CD99L2: variants seen among roughly 807,000 people sequenced by gnomAD.
The protein encoded by CD99L2 is CD99 molecule like 2.
A neutral mutation model predicts 27.3 loss-of-function variants in CD99L2; 24 were observed. The ratio of observed to expected loss-of-function variants is 0.88; its 90% CI spans 0.64 to 1.24. The LOEUF is 1.24. Ranked by LOEUF, CD99L2 falls within the 50% of genes most tolerant of loss-of-function variation. CD99L2 has a pLI of 0.00. For missense variants in CD99L2, 255 were observed against 221.6 expected (o/e 1.15, Z -0.96); for synonymous variants, 97 against 87.9 (o/e 1.10, Z -0.58).
intron 3 of CD99L2, 124 bp downstream of exon 3, chrX:150,815,883 A>AT (rs1441170866): frequency 3.0e-6 from 2 of 666,752 alleles, no homozygotes; most frequent in Non-Finnish European, 5.0e-6. Context: ...CAGTGTTCAC[A>AT]TGGATGCCTT....
At chrX:150,834,320 C>T (rs782622941) in intron 1 of CD99L2, among the ~76,000 whole-genome samples, 1 of 111,293 alleles carries the variant, frequency 9.0e-6, no homozygotes, top group African/African-American at 3.3e-5. Flanking sequence ...GGTGAAACCC[C>T]GTCTCTACTA....
At chrX:150,872,517 G>T (rs1343265900) in intron 1 of CD99L2, among the ~76,000 whole-genome samples, 1 of 100,914 alleles carries the variant, frequency 9.9e-6, no homozygotes, top group Non-Finnish European at 2.0e-5. Flanking sequence ...AAGTTTTCCT[G>T]TGTGTAAATT....
intron 4 of CD99L2, among the ~76,000 whole-genome samples, chrX:150,807,644 T>C (rs2046014558): frequency 8.9e-6 from 1 of 112,453 alleles, no homozygotes; most frequent in African/African-American, 3.2e-5. Flanking sequence ...TTGCTCAATA[T>C]AAAAAATACC....
chrX:150,770,379 G>T lies in CD99L2; in HGVS notation c.656-10C>A, dbSNP rs193047862. ...TCTGCGTTGAGACCCTCTGCAAAGG[G>T]AAAAGGGCAGAGTTAGTGATGCGCA... On this transcript the variant is annotated splice_polypyrimidine_tract_variant and intron_variant, in intron 9 of 10. Coordinates refer to ENST00000370377, the MANE Select transcript of CD99L2 (RefSeq NM_031462.4). 3 of 1,207,017 alleles carry T rather than the reference G, an allele frequency of 2.5e-6. No individual in the cohort carries two copies. Among genetic ancestry groups the T allele is most frequent in the Middle Eastern group, 4.6e-4 (2 of 4,321 alleles).
chrX:150,811,387 A>G (rs2046069509), intron 4 of CD99L2, among the ~76,000 whole-genome samples: 1 of 111,962 alleles, frequency 8.9e-6, no homozygotes, highest in Admixed American at 9.5e-5. Context: ...AAATCTGAAT[A>G]GACCTATAAT....
intron 9 of CD99L2, chrX:150,771,658 C>A: frequency 6.5e-6 from 4 of 617,876 alleles, no homozygotes; most frequent in Non-Finnish European, 5.1e-6. Context: ...TCAGGGTAAG[C>A]TAAAGATGGT....
At chrX:150,802,880 CTTTTTTTTTTT>C (rs34693200) in intron 4 of CD99L2, among the ~76,000 whole-genome samples, 1 of 20,817 alleles carries the variant, frequency 4.8e-5, no homozygotes, top group Non-Finnish European at 9.2e-5. Context: ...CGTGCCCAGC[CTTTTTTTTTTT>C]TTTTTTTTTT....
At chrX:150,884,067 T>C (rs1304197341) in intron 1 of CD99L2, among the ~76,000 whole-genome samples, 1 of 111,801 alleles carries the variant, frequency 8.9e-6, no homozygotes, top group Non-Finnish European at 1.9e-5. Context: ...AAAACTCAAG[T>C]TCCAAATACT....
intron 6 of CD99L2, among the ~76,000 whole-genome samples, chrX:150,794,936 G>T (rs1224849736): frequency 8.9e-6 from 1 of 112,523 alleles, no homozygotes; most frequent in Non-Finnish European, 1.9e-5. Flanking sequence ...TAAATGTATG[G>T]GTTTAATGTT....
intron 1 of CD99L2, among the ~76,000 whole-genome samples, chrX:150,862,811 CGAAAGAAAGAAG>C (rs1237351166): frequency 1.1e-5 from 1 of 92,210 alleles, no homozygotes; most frequent in Middle Eastern, 5.7e-3. Context: ...AAACCAGGTG[CGAAAGAAAGAAG>C]GAAAGAAAGA....
intron 1 of CD99L2, among the ~76,000 whole-genome samples, chrX:150,835,027 A>G (rs1603302352): frequency 1.8e-5 from 2 of 112,143 alleles, no homozygotes; most frequent in Non-Finnish European, 3.8e-5. Context: ...TAGATGTGGA[A>G]TCTAAAAAAG....
chrX:150,893,325 T>C (rs1407207429), intron 1 of CD99L2, among the ~76,000 whole-genome samples: 1 of 110,523 alleles, frequency 9.0e-6, no homozygotes, highest in Non-Finnish European at 1.9e-5. Flanking sequence ...CCTCTCCCTA[T>C]CATGCCACTG....
chrX:150,891,267 TA>T (rs1262535070), intron 1 of CD99L2, among the ~76,000 whole-genome samples: 31 of 112,350 alleles, frequency 2.8e-4, no homozygotes, highest in Non-Finnish European at 3.9e-4. Context: ...GTTCTAGAGA[TA>T]AAAGTCCAAC....
chrX:150,786,967 G>T (rs782413442), intron 7 of CD99L2, among the ~76,000 whole-genome samples: 3 of 112,130 alleles, frequency 2.7e-5, no homozygotes, highest in Non-Finnish European at 5.6e-5. Flanking sequence ...AATGATTAGT[G>T]ATGTTAAGCT....
intron 7 of CD99L2, among the ~76,000 whole-genome samples, chrX:150,778,175 C>T (rs1164411738): frequency 9.1e-6 from 1 of 110,127 alleles, no homozygotes; most frequent in Non-Finnish European, 1.9e-5. Context: ...GTTAAATTCA[C>T]ACACGCACAC....
intron 1 of CD99L2, among the ~76,000 whole-genome samples, chrX:150,860,751 G>A (rs1288508418): frequency 9.0e-6 from 1 of 111,610 alleles, no homozygotes; most frequent in African/African-American, 3.3e-5. Context: ...ATTTAACCAA[G>A]GAGGTGAAAG....
At chrX:150,813,895 G>A (rs1405495570) in intron 4 of CD99L2, among the ~76,000 whole-genome samples, 3 of 111,996 alleles carry the variant, frequency 2.7e-5, no homozygotes, top group Non-Finnish European at 5.6e-5. Flanking sequence ...GAATGAGCCT[G>A]TCAATTTAAA....
chrX:150,860,578 T>G (rs2046959960), intron 1 of CD99L2, among the ~76,000 whole-genome samples: 1 of 111,806 alleles, frequency 8.9e-6, no homozygotes. Flanking sequence ...CTGAAAAACT[T>G]TACCAAAACA....
chrX:150,896,311 T>C (rs1557423086), intron 1 of CD99L2, among the ~76,000 whole-genome samples: 2 of 111,544 alleles, frequency 1.8e-5, no homozygotes, highest in Admixed American at 1.9e-4. Flanking sequence ...GGCAGGAGAA[T>C]TGCTTGAACC....
Sources: allele counts gnomAD v4.1 joint callset (sites outside exome capture counted in the v4.1 genomes callset), GRCh38; gene constraint gnomAD v4.1.1; transcripts MANE v1.5; gene names NCBI Gene and HGNC (gene_info 2026-07-23, HGNC 2026-07-21).